IL1RAPL1: variants seen among roughly 807,000 people sequenced by gnomAD.
The protein encoded by IL1RAPL1 is interleukin 1 receptor accessory protein like 1, also known as interleukin-1 receptor accessory protein-like 1.
Under a neutral mutation model 48.4 loss-of-function variants are expected in IL1RAPL1, and 3 were observed. The observed-to-expected ratio is 0.06, with a 90% CI of 0.03 to 0.16. The LOEUF (loss-of-function observed/expected upper bound fraction) is 0.16. Ranked by LOEUF, IL1RAPL1 falls within the 10% of genes least tolerant of loss-of-function variation. IL1RAPL1 has a pLI of 1.00. For missense variants in IL1RAPL1, 349 were observed against 530.6 expected, an observed-to-expected ratio of 0.66 and a Z score of 3.36; for synonymous variants, 185 against 187.7, an observed-to-expected ratio of 0.99 and a Z score of 0.12.
At chrX:28,717,606 T>A (rs931432832) in intron 1 of IL1RAPL1, among the ~76,000 whole-genome samples, 6 of 110,869 alleles carry the variant, frequency 5.4e-5, no homozygotes, top group Non-Finnish European at 1.1e-4. Flanking sequence ...TGACACACAT[T>A]TACCTATGTT....
chrX:29,818,806 A>G (rs144844833), intron 6 of IL1RAPL1, among the ~76,000 whole-genome samples: 26 of 112,410 alleles, frequency 2.3e-4, no homozygotes, highest in African/African-American at 7.7e-4. Context: ...TAATATTCCA[A>G]TTAACTTAGC....
At chrX:28,793,374 TTTCC>T (rs771915549) in intron 2 of IL1RAPL1, among the ~76,000 whole-genome samples, 1 of 108,487 alleles carries the variant, frequency 9.2e-6, no homozygotes, top group East Asian at 3.5e-4. Context: ...CTTTTTGTTC[TTTCC>T]TTCCTTCCTT....
At chrX:28,660,140 T>TGTGTGTGTGTGTGTGTGTG (rs1477990678) in intron 1 of IL1RAPL1, among the ~76,000 whole-genome samples, 1 of 85,117 alleles carries the variant, frequency 1.2e-5, no homozygotes, top group East Asian at 3.4e-4. Flanking sequence ...TGTGTGTGTG[T>TGTGTGTGTGTGTGTGTGTG]TGGAGTTACT....
chrX:29,515,030 C>G (rs1022038532), intron 5 of IL1RAPL1, among the ~76,000 whole-genome samples: 2 of 112,360 alleles, frequency 1.8e-5, no homozygotes, highest in Non-Finnish European at 3.8e-5. Flanking sequence ...ATTTCCTGTT[C>G]TAGTCATAGA....
At chrX:28,598,986 C>T (rs752257070) in intron 1 of IL1RAPL1, among the ~76,000 whole-genome samples, 73 of 108,616 alleles carry the variant, frequency 6.7e-4, no homozygotes, top group Non-Finnish European at 1.1e-3. Context: ...ATGCCTGTAA[C>T]CCCAGCACTT....
intron 1 of IL1RAPL1, among the ~76,000 whole-genome samples, chrX:28,740,781 A>G (rs756880682): frequency 8.9e-6 from 1 of 111,927 alleles, no homozygotes; most frequent in East Asian, 2.8e-4. Flanking sequence ...TTTGCTTAGG[A>G]TAATGGCCTC....
chrX:29,514,433 G>A (rs1413927497), intron 5 of IL1RAPL1, among the ~76,000 whole-genome samples: 5 of 112,356 alleles, frequency 4.5e-5, no homozygotes. Context: ...AAAAGAATTT[G>A]GAGAAAGTCA....
chrX:29,384,023 G>GT (rs1933744638), intron 3 of IL1RAPL1, among the ~76,000 whole-genome samples: 1 of 111,874 alleles, frequency 8.9e-6, no homozygotes, highest in Non-Finnish European at 1.9e-5. Context: ...TATATAATTT[G>GT]TTTATCTTTT....
chrX:29,654,025 A>C (rs1477929994), intron 5 of IL1RAPL1, among the ~76,000 whole-genome samples: 2 of 109,216 alleles, frequency 1.8e-5, no homozygotes, highest in Non-Finnish European at 3.8e-5. Context: ...GAAAGGAAGG[A>C]TGAAAGGAAA....
chrX:29,327,855 C>T (rs867253183), intron 3 of IL1RAPL1, among the ~76,000 whole-genome samples: 3 of 110,402 alleles, frequency 2.7e-5, no homozygotes, highest in Admixed American at 9.8e-5. Context: ...TATTCGACTC[C>T]ACCATTGGAA....
At position 28,768,723 on chromosome X, in the gene IL1RAPL1, CTCTCTG is replaced by C. The variant is rs1437226555; in HGVS notation, c.-24-20591_-24-20586del. On this transcript the variant is annotated intron_variant, in intron 1 of 10. Coordinates refer to ENST00000378993, the MANE Select transcript of IL1RAPL1 (RefSeq NM_014271.4). ...TCTGTTTCTCTCTCTCTCTCTCTCTCTCTCTGTCTCTCTCTCTCTCTCTCTCTCTCT... is the reference window on the plus strand; with the variant it reads ...TCTGTTTCTCTCTCTCTCTCTCTCTCTCTCTCTCTCTCTCTCTCTCTCTCT... Among the ~76,000 whole-genome samples the C allele has an allele frequency of 3.6e-3, 259 of 71,331 alleles. 1 individual carries two copies. The highest frequency in any genetic ancestry group is 0.013 in the African/African-American group (222 of 16,564). 61.9% of individuals were successfully genotyped at this position (71,331 alleles called of 115,157 possible). A position where few individuals can be genotyped will look rare whatever the true frequency, so the allele number is the denominator to read the frequency against.
intron 2 of IL1RAPL1, among the ~76,000 whole-genome samples, chrX:29,239,105 A>G (rs1931360753): frequency 8.9e-6 from 1 of 112,073 alleles, no homozygotes; most frequent in Admixed American, 9.5e-5. Flanking sequence ...TTTAAAAATA[A>G]CTTTTAGATA....
At chrX:28,856,564 G>A (rs1018024030) in intron 2 of IL1RAPL1, among the ~76,000 whole-genome samples, 37 of 111,412 alleles carry the variant, frequency 3.3e-4, no homozygotes, top group Non-Finnish European at 3.6e-4. Flanking sequence ...TTGTGTCTCC[G>A]TGTCACATTG....
chrX:28,764,980 A>T (rs951715144), intron 1 of IL1RAPL1, among the ~76,000 whole-genome samples: 1 of 111,046 alleles, frequency 9.0e-6, no homozygotes, highest in South Asian at 3.8e-4. Flanking sequence ...GCCATAAAAA[A>T]GGATGAGTTC....
At chrX:29,115,719 A>G (rs757249514) in intron 2 of IL1RAPL1, among the ~76,000 whole-genome samples, 3 of 109,362 alleles carry the variant, frequency 2.7e-5, no homozygotes, top group Non-Finnish European at 5.7e-5. Flanking sequence ...TAGGGCTTTT[A>G]GTTCACTCAT....
rs759425070 is a variant in IL1RAPL1, at chrX:29,092,557, TG to T, written c.83-190380del. Reference sequence around the variant, plus strand: ...GGAAATTTTATATCACTTTCATAAATGAAAAAAACTAGAATATCTATAAATA... The same window carrying T: ...GGAAATTTTATATCACTTTCATAAATAAAAAAACTAGAATATCTATAAATA... On this transcript the variant is annotated intron_variant, in intron 2 of 10. Coordinates refer to ENST00000378993, the MANE Select transcript of IL1RAPL1 (RefSeq NM_014271.4). Among the ~76,000 whole-genome samples, 4 of 111,917 alleles carry T rather than the reference TG, an allele frequency of 3.6e-5. No individual in the cohort carries two copies. The South Asian group carries it at 1.5e-3, about 41-fold the overall frequency.
chrX:28,940,557 G>A (rs956220013), intron 2 of IL1RAPL1, among the ~76,000 whole-genome samples: 1 of 110,760 alleles, frequency 9.0e-6, no homozygotes, highest in African/African-American at 3.3e-5. Flanking sequence ...TTTCTTTCTA[G>A]AAGTTTTAGA....
chrX:28,999,803 G>T (rs1427714526), intron 2 of IL1RAPL1, among the ~76,000 whole-genome samples: 1 of 111,665 alleles, frequency 9.0e-6, no homozygotes, highest in African/African-American at 3.3e-5. Context: ...AACTTCTTGC[G>T]CATAGGTATT....
At chrX:29,915,714 C>CTTT (rs201364121) in intron 6 of IL1RAPL1, among the ~76,000 whole-genome samples, 4 of 54,300 alleles carry the variant, frequency 7.4e-5, no homozygotes, top group East Asian at 6.3e-4. Flanking sequence ...TGGTAATATT[C>CTTT]TTTTTTTTTT....
Sources: gnomAD v4.1 joint callset for allele counts (sites outside exome capture counted in the v4.1 genomes callset) on GRCh38, gnomAD v4.1.1 for gene constraint, MANE v1.5 for transcripts, NCBI Gene and HGNC (gene_info 2026-07-23, HGNC 2026-07-21) for gene names.